Variants in CDH8 observed in about 807,000 individuals in gnomAD.
The protein encoded by CDH8 is cadherin-8.
Under a neutral mutation model 68.1 loss-of-function variants are expected in CDH8, and 17 were observed. That is an observed-to-expected ratio of 0.25 (90% CI 0.17 to 0.37). CDH8 has a LOEUF of 0.37. Ranked by LOEUF, CDH8 falls within the 10% of genes least tolerant of loss-of-function variation. The pLI, the probability that CDH8 is intolerant of heterozygous loss-of-function variation, is 1.00. For missense variants in CDH8, 763 were observed against 999.3 expected (o/e 0.76, Z 3.19); for synonymous variants, 372 against 365.1 (o/e 1.02, Z -0.21).
rs142631118 is a variant in CDH8, at chr16:61,654,444, T to G, written c.1907-343A>C. 4.9e-3 allele frequency among the ~76,000 whole-genome samples: 751 copies of G among 152,284 alleles called. 5 individuals are homozygous for G. The highest frequency in any genetic ancestry group is 8.0e-3 in the Non-Finnish European group (544 of 68,026). ...CACTGAAAGTATGACTAGCTTGATA[T>G]GTGTTTCAAGCAAGTCCTTTAACAT... On this transcript the variant is annotated intron_variant, in intron 11 of 11. Transcript: ENST00000577390.
At chr16:61,758,734 T>C (rs1002042180) in intron 8 of CDH8, among the ~76,000 whole-genome samples, 1 of 152,162 alleles carries the variant, frequency 6.6e-6, no homozygotes, top group African/African-American at 2.4e-5. Context: ...ATTCTCAGCT[T>C]CTCCAGAGAA....
At chr16:61,909,204 G>A (rs901979938) in intron 2 of CDH8, among the ~76,000 whole-genome samples, 6 of 152,236 alleles carry the variant, frequency 3.9e-5, no homozygotes, top group South Asian at 2.1e-4. Context: ...TGGTGTGAGC[G>A]TTGAACAGCT....
intron 2 of CDH8, among the ~76,000 whole-genome samples, chr16:61,919,720 A>G (rs1408254109): frequency 1.3e-5 from 2 of 152,024 alleles, no homozygotes. Flanking sequence ...GGGAGAATGG[A>G]ACCAAGTTGG....
At chr16:61,804,553 A>C (rs1436960019) in intron 7 of CDH8, among the ~76,000 whole-genome samples, 1 of 149,182 alleles carries the variant, frequency 6.7e-6, no homozygotes, top group Non-Finnish European at 1.5e-5. Flanking sequence ...AAGGATCAAC[A>C]AAATTGATAG....
intron 8 of CDH8, among the ~76,000 whole-genome samples, chr16:61,783,697 G>A (rs1596964628): frequency 1.3e-5 from 2 of 151,034 alleles, no homozygotes; most frequent in South Asian, 4.2e-4. Context: ...GAAAGGTCGG[G>A]TTACCCTCAA....
chr16:61,829,130 G>A (rs1281682217), intron 4 of CDH8, among the ~76,000 whole-genome samples: 3 of 151,740 alleles, frequency 2.0e-5, no homozygotes, highest in Non-Finnish European at 4.4e-5. Context: ...ATTAACCTAG[G>A]AGGCTGTGCA....
intron 2 of CDH8, among the ~76,000 whole-genome samples, chr16:61,991,242 A>C (rs1281585597): frequency 6.6e-6 from 1 of 152,188 alleles, no homozygotes; most frequent in Non-Finnish European, 1.5e-5. Context: ...GCGGAAGGGA[A>C]GGAAACTCAC....
chr16:61,739,440 ACTCT>A (rs1325614255), intron 8 of CDH8, among the ~76,000 whole-genome samples: 1 of 151,720 alleles, frequency 6.6e-6, no homozygotes, highest in Non-Finnish European at 1.5e-5. Flanking sequence ...GTTATACCTC[ACTCT>A]CTCTTTGAAG....
chr16:61,762,780 G>A (rs753722436), intron 8 of CDH8, among the ~76,000 whole-genome samples: 8 of 152,128 alleles, frequency 5.3e-5, no homozygotes, highest in Non-Finnish European at 1.0e-4. Context: ...TATGAATAGA[G>A]CATTGTTACT....
Position 61,977,994 on chromosome 16 carries a change from T to C in CDH8, c.252+43158A>G, listed in dbSNP as rs998658977. On this transcript the variant is annotated intron_variant, in intron 2 of 11. Coordinates refer to ENST00000577390, the MANE Select transcript of CDH8 (RefSeq NM_001796.5). ...TTTCATTGTTGTGAAAGCACAGAAT[T>C]ATGTGAAATGTGCCCAGTACATGAA... Among the ~76,000 whole-genome samples, 5 of 152,304 alleles carry C rather than the reference T, an allele frequency of 3.3e-5. No homozygotes were observed. In the East Asian group the frequency reaches 7.7e-4, roughly 24 times the overall value.
chr16:61,669,495 A>G lies in CDH8; in HGVS notation c.1655-13774T>C, dbSNP rs558221979. Reference sequence around the variant, plus strand: ...TATGTGTCACTATAAAGAAATCTCTATGGTAAGATTTCAATTAATCCTTGA... The same window carrying G: ...TATGTGTCACTATAAAGAAATCTCTGTGGTAAGATTTCAATTAATCCTTGA... On this transcript the variant is annotated intron_variant, in intron 10 of 11. Transcript: ENST00000577390. Among the ~76,000 whole-genome samples the G allele has an allele frequency of 3.9e-5, 6 of 152,172 alleles. No individual in the cohort carries two copies. The East Asian group carries it at 9.7e-4, about 25-fold the overall frequency.
chr16:61,856,051 C>G (rs535069313), intron 4 of CDH8, among the ~76,000 whole-genome samples: 1 of 151,936 alleles, frequency 6.6e-6, no homozygotes, highest in South Asian at 2.1e-4. Flanking sequence ...CAGTATTAAA[C>G]GTATTAAGAT....
intron 4 of CDH8, among the ~76,000 whole-genome samples, chr16:61,850,467 T>C (rs1962914295): frequency 2.6e-5 from 4 of 152,010 alleles, no homozygotes; most frequent in Admixed American, 2.6e-4. Context: ...AAATAAAAAC[T>C]GGGTACTTAA....
intron 7 of CDH8, among the ~76,000 whole-genome samples, chr16:61,800,647 G>A: frequency 6.6e-6 from 1 of 152,112 alleles, no homozygotes; most frequent in East Asian, 1.9e-4. Context: ...TGTTTCAAAG[G>A]CACTTCAGCT....
chr16:62,035,639 T>C (rs1902438506), intron 1 of CDH8, among the ~76,000 whole-genome samples: 1 of 152,116 alleles, frequency 6.6e-6, no homozygotes, highest in Admixed American at 6.5e-5. Flanking sequence ...CTCGCCTCCT[T>C]TTTTCCCTGG....
chr16:61,847,827 C>T (rs1451255143), intron 4 of CDH8, among the ~76,000 whole-genome samples: 2 of 151,452 alleles, frequency 1.3e-5, no homozygotes, highest in African/African-American at 2.4e-5. Context: ...TAAAAGATTA[C>T]TGTCTATATC....
At chr16:61,857,067 T>C (rs1963060588) in intron 4 of CDH8, 52 bp downstream of exon 4, 2 of 1,606,226 alleles carry the variant, frequency 1.2e-6, no homozygotes, top group Non-Finnish European at 1.7e-6. Flanking sequence ...AAGAAAAGCA[T>C]TTCCCTGAAG....
intron 4 of CDH8, among the ~76,000 whole-genome samples, chr16:61,840,453 T>A (rs1962659504): frequency 6.6e-6 from 1 of 152,204 alleles, no homozygotes; most frequent in South Asian, 2.1e-4. Context: ...TGAATTTTTG[T>A]TGTTGTTTAT....
At chr16:62,002,243 T>C (rs916082942) in intron 2 of CDH8, among the ~76,000 whole-genome samples, 1 of 152,100 alleles carries the variant, frequency 6.6e-6, no homozygotes, top group African/African-American at 2.4e-5. Context: ...GTTTCTAAAC[T>C]GTGTGTGTGT....
Sources: gnomAD v4.1 joint callset for allele counts (sites outside exome capture counted in the v4.1 genomes callset) on GRCh38, gnomAD v4.1.1 for gene constraint, MANE v1.5 for transcripts, NCBI Gene and HGNC (gene_info 2026-07-23, HGNC 2026-07-21) for gene names.